The following DNAJC5G variants were observed in gnomAD, a reference collection of about 807,000 sequenced individuals.
DNAJC5G encodes dnaJ homolog subfamily C member 5G.
DNAJC5G carries 13 observed loss-of-function variants against 19.1 expected under a neutral mutation model. The ratio of observed to expected loss-of-function variants is 0.68; its 90% CI spans 0.44 to 1.08. The LOEUF (loss-of-function observed/expected upper bound fraction) is 1.08, where lower values mean the gene tolerates loss of function less well. Among genes scored for constraint, DNAJC5G ranks in the 50% least tolerant of loss-of-function variants. DNAJC5G has a pLI of 0.00. For missense variants in DNAJC5G, 245 were observed against 230.4 expected, an observed-to-expected ratio of 1.06 and a Z score of -0.41; for synonymous variants, 81 against 84.4, an observed-to-expected ratio of 0.96 and a Z score of 0.22.
At position 27,277,911 on chromosome 2, in the gene DNAJC5G, C is replaced by A. The variant is rs770624109; in HGVS notation, c.271C>A (p.Arg91=). The change falls in exon 4 of 7, where the codon CGG becomes AGG. Residue 91 remains arginine (R), a synonymous_variant. Transcript: ENST00000296097. ...AHAILSDSKK[R]KIYDQHGSLG... ...TGCCATACTGAGCGACTCTAAGAAG[C>A]GGAAAATTTACGACCAGCATGGCTC... 2 of 1,614,142 alleles carry A rather than the reference C, an allele frequency of 1.2e-6. No homozygotes were observed. Among genetic ancestry groups the A allele is most frequent in the Non-Finnish European group, 1.7e-6 (2 of 1,180,044 alleles).
At chr2:27,275,920 C>T (rs1678035074) in intron 1 of DNAJC5G, 186 bp from the exon 2 acceptor site, 1 of 130,576 alleles carries the variant, frequency 7.7e-6, no homozygotes, top group Non-Finnish European at 1.6e-5. Context: ...CACTTGACTT[C>T]TGTTAGGCCT....
chr2:27,277,005 G>A (rs1331272051), intron 3 of DNAJC5G, among the ~76,000 whole-genome samples, 164 bp downstream of exon 3: 1 of 147,704 alleles, frequency 6.8e-6, no homozygotes, highest in African/African-American at 2.5e-5. Context: ...GCAGTGGCAC[G>A]ATCTTGGCTT....
In DNAJC5G at chr2:27,276,823, A is replaced by T; in HGVS notation, c.95A>T (p.Asp32Val). ...LDLKKGASPEDFKKSYSHSAL... is the reference protein window; with the variant it reads ...LDLKKGASPEVFKKSYSHSAL... ...CTTAAGAAGGGCGCCTCACCTGAAG[A>T]CTTCAAAAAATCCTACAGGTTCAGA... is the stretch of plus-strand genomic sequence containing the variant. Residue 32 changes from aspartate to valine, a missense_variant, in exon 3 of 7, where the codon GAC (aspartate) becomes GTC (valine). Physicochemically the swap from Asp to Val is radical, Grantham distance 152 (BLOSUM62 -3). Coordinates refer to ENST00000296097, the MANE Select transcript of DNAJC5G (RefSeq NM_173650.3). 6.2e-7 allele frequency: 1 copy of T among 1,613,678 alleles called. No individual in the cohort carries two copies. Among genetic ancestry groups the T allele is most frequent in the Non-Finnish European group, 8.5e-7 (1 of 1,179,958 alleles).
At chr2:27,278,074 A>C in intron 4 of DNAJC5G, 59 bp downstream of exon 4, 1 of 1,607,666 alleles carries the variant, frequency 6.2e-7, no homozygotes, top group Middle Eastern at 1.7e-4. Context: ...TCCTTTCCTT[A>C]TGACAAATGC....
chr2:27,279,004 CA>C (rs1227842823), intron 5 of DNAJC5G, among the ~76,000 whole-genome samples: 4,852 of 56,826 alleles, frequency 0.085, 158 homozygotes, highest in African/African-American at 0.24. Context: ...GACTCCATCT[CA>C]AAAAAAAAAA....
intron 6 of DNAJC5G, 62 bp from the exon 7 acceptor site, chr2:27,280,367 G>T (rs1678317812): frequency 1.3e-6 from 1 of 764,842 alleles, no homozygotes; most frequent in Non-Finnish European, 2.2e-6. Flanking sequence ...GTAGGGGTTT[G>T]CTTTAAGTTC....
chr2:27,280,070 T>C, intron 5 of DNAJC5G, 96 bp from the exon 6 acceptor site: 1 of 1,165,016 alleles, frequency 8.6e-7, no homozygotes, highest in Non-Finnish European at 1.3e-6. Flanking sequence ...CTGGTGATGC[T>C]AATGAGTAAC....
At chr2:27,278,738 G>A (rs189893677) in intron 5 of DNAJC5G, among the ~76,000 whole-genome samples, 1 of 149,918 alleles carries the variant, frequency 6.7e-6, no homozygotes, top group East Asian at 1.9e-4. Flanking sequence ...TGGGCATGGT[G>A]GCTCAAACCT....
chr2:27,275,861 TCCCCACCCCCGC>T (rs1678020547), intron 1 of DNAJC5G: 1 of 122,556 alleles, frequency 8.2e-6, no homozygotes, highest in African/African-American at 3.6e-5. Flanking sequence ...CTGCAAGCAC[TCCCCACCCCCGC>T]CCCCGCCCCC....
chr2:27,280,192 G>A lies in DNAJC5G; in HGVS notation c.547G>A (p.Glu183Lys), dbSNP rs1678308055. The A allele has an allele frequency of 6.2e-7, 1 of 1,613,862 alleles. No homozygotes were observed. Among genetic ancestry groups the A allele is most frequent in the Admixed American group, 1.7e-5 (1 of 60,000 alleles). ...SGAKCDFRSE[E>K]NSEDDF ...AGCCAAATGTGATTTTAGAAGCGAGGAAAATAGCGAAGATGATTTTTAAGA... is the reference window on the plus strand; with the variant it reads ...AGCCAAATGTGATTTTAGAAGCGAGAAAAATAGCGAAGATGATTTTTAAGA... The change falls in exon 6 of 7, where the codon GAA becomes AAA. Residue 183 changes from glutamate to lysine, a missense_variant. Glu to Lys is a moderately conservative substitution (Grantham distance 56). Coordinates refer to ENST00000296097, the MANE Select transcript of DNAJC5G (RefSeq NM_173650.3).
At chr2:27,278,465 G>T in intron 5 of DNAJC5G, 133 bp downstream of exon 5, 1 of 1,331,636 alleles carries the variant, frequency 7.5e-7, no homozygotes, top group South Asian at 1.5e-5. Flanking sequence ...TGGATCACTT[G>T]AGGTCAGGAG....
rs1678206958 is a variant in DNAJC5G, at chr2:27,278,319, G to A, written c.507G>A (p.Gln169=). ...GRKYQQNVQS[Q]PPRSGAKCDF... ...AATATCAGCAGAATGTCCAGAGTCAGCCTCCAAGGTCAGGTGAGAACTGCA... is the reference window on the plus strand; with the variant it reads ...AATATCAGCAGAATGTCCAGAGTCAACCTCCAAGGTCAGGTGAGAACTGCA... The change falls in exon 5 of 7, where the codon CAG becomes CAA. Residue 169 remains glutamine, a synonymous_variant. Coordinates refer to ENST00000296097, the MANE Select transcript of DNAJC5G (RefSeq NM_173650.3). 6.2e-7 allele frequency: 1 copy of A among 1,614,032 alleles called. No individual in the cohort carries two copies. Among genetic ancestry groups the A allele is most frequent in the South Asian group, 1.1e-5 (1 of 91,080 alleles).
chr2:27,280,135 A>G lies in DNAJC5G; in HGVS notation c.521-31A>G, dbSNP rs1678304472. 3 of 1,605,142 alleles carry G rather than the reference A, an allele frequency of 1.9e-6. No homozygotes were observed. In the East Asian group the frequency reaches 6.7e-5, roughly 36 times the overall value. On this transcript the variant is annotated intron_variant, in intron 5 of 6. Transcript: ENST00000296097. Reference sequence around the variant, plus strand: ...CTACGAAAAGTTACTAAACGTTTGTATATGTAAACATATATATAATTCCAT... The same window carrying G: ...CTACGAAAAGTTACTAAACGTTTGTGTATGTAAACATATATATAATTCCAT...
At chr2:27,278,788 C>T (rs1428288163) in intron 5 of DNAJC5G, among the ~76,000 whole-genome samples, 4 of 149,454 alleles carry the variant, frequency 2.7e-5, no homozygotes, top group East Asian at 2.0e-4. Context: ...GGGCGGATCA[C>T]GAGGTCAGGA....
chr2:27,276,613 A>G (rs1678090187), intron 2 of DNAJC5G, 113 bp from the exon 3 acceptor site: 2 of 818,140 alleles, frequency 2.4e-6, no homozygotes, highest in Non-Finnish European at 3.8e-6. Flanking sequence ...TCCTTCTGTC[A>G]TCGTTTACCT....
At chr2:27,279,801 TA>T (rs1369123707) in intron 5 of DNAJC5G, among the ~76,000 whole-genome samples, 4 of 149,268 alleles carry the variant, frequency 2.7e-5, no homozygotes, top group Non-Finnish European at 4.4e-5. Flanking sequence ...TGCACACCTG[TA>T]GTCTCAGCTA....
chr2:27,276,665 G>A (rs1037450992), intron 2 of DNAJC5G, 61 bp from the exon 3 acceptor site: 4 of 1,484,526 alleles, frequency 2.7e-6, no homozygotes, highest in South Asian at 2.4e-5. Flanking sequence ...CACTGGAAGT[G>A]CACTTCTCGG....
chr2:27,280,313 GT>G, intron 6 of DNAJC5G, 80 bp downstream of exon 6: 1 of 1,199,450 alleles, frequency 8.3e-7, no homozygotes, highest in Non-Finnish European at 1.2e-6. Flanking sequence ...TTAGTAGAAA[GT>G]TTACATCCTT....
chr2:27,278,591 G>A (rs917240649), intron 5 of DNAJC5G, among the ~76,000 whole-genome samples: 28 of 141,354 alleles, frequency 2.0e-4, no homozygotes, highest in African/African-American at 6.8e-4. Context: ...TGAGGAGGCA[G>A]AAGAATCGCT....
Sources: allele counts gnomAD v4.1 joint callset (sites outside exome capture counted in the v4.1 genomes callset), GRCh38; gene constraint gnomAD v4.1.1; transcripts MANE v1.5; gene names NCBI Gene and HGNC (gene_info 2026-07-23, HGNC 2026-07-21).